Variants in FBXL20 observed in about 807,000 individuals in gnomAD.
FBXL20 encodes F-box and leucine rich repeat protein 20, also known as F-box/LRR-repeat protein 20.
In FBXL20, 11 loss-of-function variants were observed where a neutral mutation model predicts 64.0. The observed-to-expected ratio is 0.17, with a 90% confidence interval of 0.11 to 0.28. The LOEUF is 0.28. Among genes scored for constraint, FBXL20 ranks in the 10% least tolerant of loss-of-function variants. The probability of loss-of-function intolerance (pLI) is 1.00; values close to 1 mark genes in which losing one functional copy is unlikely to be tolerated. For missense variants in FBXL20, 303 were observed against 526.2 expected (o/e 0.58, Z 4.15); for synonymous variants, 184 against 189.0 (o/e 0.97, Z 0.22).
rs1280532400 is a variant in FBXL20 at position 39,261,154 on chromosome 17, G to A, written c.*306C>T. The stretch of plus-strand genomic sequence containing the variant: ...CAGTAGCATTAACACGGGGTTTGCT[G>A]GAATGCCCCTCCCTATCTTGGCCTA... On this transcript the variant is annotated 3_prime_UTR_variant, in exon 15 of 15. Transcript: ENST00000264658. 1 of 296,250 alleles carries A rather than the reference G, an allele frequency of 3.4e-6. No homozygotes were observed. Among genetic ancestry groups the A allele is most frequent in the Non-Finnish European group, 6.5e-6 (1 of 154,336 alleles). The allele number at this position is 296,250 out of a possible 1,614,324, so 18.4% of individuals were successfully genotyped here. A position where few individuals can be genotyped will look rare whatever the true frequency, so the allele number is the denominator to read the frequency against.
At chr17:39,298,754 T>TGA (rs2047108533) in intron 5 of FBXL20, among the ~76,000 whole-genome samples, 2 of 152,198 alleles carry the variant, frequency 1.3e-5, no homozygotes, top group African/African-American at 2.4e-5. Flanking sequence ...AAAAAAAACT[T>TGA]ATTCAAAGCT....
At chr17:39,307,490 G>A (rs1041450031) in intron 2 of FBXL20, among the ~76,000 whole-genome samples, 4 of 152,102 alleles carry the variant, frequency 2.6e-5, no homozygotes, top group African/African-American at 9.7e-5. Context: ...CAGTGAAGCT[G>A]GACTGCAGCA....
intron 2 of FBXL20, among the ~76,000 whole-genome samples, chr17:39,312,407 C>T (rs1005288365): frequency 1.3e-5 from 2 of 150,156 alleles, no homozygotes; most frequent in African/African-American, 4.9e-5. Context: ...GACCTATACT[C>T]CATCTCAAAA....
intron 11 of FBXL20, among the ~76,000 whole-genome samples, chr17:39,269,853 C>A (rs76258080): frequency 0.041 from 6,254 of 152,116 alleles, 171 homozygotes; most frequent in Non-Finnish European, 0.066. Flanking sequence ...TGGGCTCAAG[C>A]GATCTGCTTT....
intron 6 of FBXL20, among the ~76,000 whole-genome samples, chr17:39,295,942 C>T (rs980471103): frequency 3.9e-5 from 6 of 151,964 alleles, no homozygotes; most frequent in Non-Finnish European, 8.8e-5. Flanking sequence ...TCAACCTGTT[C>T]TCTACTAATA....
chr17:39,311,775 G>A (rs1028507133), intron 2 of FBXL20, among the ~76,000 whole-genome samples: 6 of 152,144 alleles, frequency 3.9e-5, no homozygotes, highest in Admixed American at 6.6e-5. Context: ...ACTAACTCCT[G>A]AGCAATTTTT....
chr17:39,293,830 A>AT (rs11376729), intron 6 of FBXL20, among the ~76,000 whole-genome samples: 55,767 of 146,562 alleles, frequency 0.38, 13,105 homozygotes, highest in African/African-American at 0.68. Context: ...TGTAGCCTTT[A>AT]TTTTTTTTTT....
intron 6 of FBXL20, among the ~76,000 whole-genome samples, chr17:39,296,390 C>T (rs1473088661): frequency 6.6e-5 from 10 of 151,932 alleles, no homozygotes; most frequent in South Asian, 6.2e-4. Flanking sequence ...GAAACCCCGT[C>T]TCTACTAAAA....
At chr17:39,372,481 T>C (rs1597826841) in intron 1 of FBXL20, among the ~76,000 whole-genome samples, 1 of 112,074 alleles carries the variant, frequency 8.9e-6, no homozygotes, top group Non-Finnish European at 1.6e-5. Context: ...ATTGCGCCAC[T>C]GCACTCCAGC....
At chr17:39,311,820 TGA>T (rs2047237635) in intron 2 of FBXL20, among the ~76,000 whole-genome samples, 1 of 152,052 alleles carries the variant, frequency 6.6e-6, no homozygotes. Flanking sequence ...GAGTCACAGG[TGA>T]GAGGCTTTAC....
At chr17:39,299,142 C>T (rs2047112191) in intron 4 of FBXL20, 58 bp from the exon 5 acceptor site, 5 of 1,158,934 alleles carry the variant, frequency 4.3e-6, no homozygotes, top group African/African-American at 1.6e-5. Flanking sequence ...TAGAAAAGAA[C>T]ACATACTCAT....
rs755655694 is a variant in FBXL20 at position 39,401,358 on chromosome 17, C to T, written c.42+3G>A. On this transcript the variant is annotated splice_donor_region_variant and intron_variant, in intron 1 of 14. Coordinates refer to ENST00000264658, the MANE Select transcript of FBXL20 (RefSeq NM_032875.3). ...ACGCCGCCCGAGCCCCCCAAGCTCA[C>T]ACCTCAAACCTGCTCTTGGTCACTC... 5.0e-6 allele frequency: 8 copies of T among 1,612,978 alleles called. No individual in the cohort carries two copies. In the African/African-American group the frequency reaches 5.3e-5, roughly 11 times the overall value.
chr17:39,304,262 G>C (rs937267377), intron 2 of FBXL20, among the ~76,000 whole-genome samples: 9 of 151,356 alleles, frequency 5.9e-5, no homozygotes, highest in African/African-American at 2.2e-4. Context: ...ATTATCAAAA[G>C]AAAGAAGCCA....
intron 1 of FBXL20, among the ~76,000 whole-genome samples, chr17:39,374,856 G>A (rs1219178191): frequency 6.6e-6 from 1 of 151,774 alleles, no homozygotes; most frequent in Non-Finnish European, 1.5e-5. Flanking sequence ...GCGTGATCTC[G>A]GCTCACTGCA....
intron 1 of FBXL20, among the ~76,000 whole-genome samples, chr17:39,360,156 A>G (rs2047780682): frequency 1.3e-5 from 2 of 152,188 alleles, no homozygotes; most frequent in African/African-American, 2.4e-5. Flanking sequence ...TCACAAAAGT[A>G]CCACTTACAA....
chr17:39,275,135 A>T lies in FBXL20; in HGVS notation c.697-35T>A, dbSNP rs756235375. On this transcript the variant is annotated intron_variant, in intron 9 of 14. Coordinates refer to ENST00000264658, the MANE Select transcript of FBXL20 (RefSeq NM_032875.3). ...AAGAGCAAAAAAATCCATAGATATT[A>T]GTATCTTAGCAAAACAAAAAAAGAA... is the stretch of plus-strand genomic sequence containing the variant. The T allele has an allele frequency of 1.9e-6, 3 of 1,581,892 alleles. No individual in the cohort carries two copies. In the South Asian group the frequency reaches 3.6e-5, roughly 19 times the overall value.
In FBXL20 at chr17:39,264,375, A is replaced by C; in HGVS notation, c.1003T>G (p.Cys335Gly). ...PRLQVLSLSH[C>G]ELITDDGIRH... ...ATTCCATCATCTGTGATCAGCTCAC[A>C]GTGAGACAGACTCTGCAGCCAAATA... is the stretch of plus-strand genomic sequence containing the variant. Residue 335 changes from cysteine to glycine, a missense_variant, in exon 14 of 15, where the codon TGT becomes GGT. By Grantham distance (159) the Cys-to-Gly change is radical. Around this residue, in one of 3 missense-constraint regions of FBXL20, gnomAD observed 246 missense variants for 422.6 expected, o/e 0.58. Coordinates refer to ENST00000264658, the MANE Select transcript of FBXL20 (RefSeq NM_032875.3). 6.2e-7 allele frequency: 1 copy of C among 1,613,180 alleles called. No individual in the cohort carries two copies. The highest frequency in any genetic ancestry group is 8.5e-7 in the Non-Finnish European group (1 of 1,179,872).
chr17:39,401,656 C>T (rs1460375120), upstream of FBXL20: 1 of 1,347,416 alleles, frequency 7.4e-7, no homozygotes, highest in Non-Finnish European at 9.5e-7. Flanking sequence ...AAAACAAAAA[C>T]ACTCCCCACC....
chr17:39,379,373 T>A (rs2048000733), intron 1 of FBXL20, among the ~76,000 whole-genome samples: 1 of 150,906 alleles, frequency 6.6e-6, no homozygotes, highest in African/African-American at 2.4e-5. Context: ...CCTTAAAAAG[T>A]CAAACATAGA....
Sources: allele counts gnomAD v4.1 joint callset (sites outside exome capture counted in the v4.1 genomes callset), GRCh38; gene constraint gnomAD v4.1.1; regional missense constraint gnomAD v4.1.1; transcripts MANE v1.5; gene names NCBI Gene and HGNC (gene_info 2026-07-23, HGNC 2026-07-21).